Variants in TECRL observed in about 807,000 individuals in gnomAD.
TECRL encodes the protein trans-2,3-enoyl-CoA reductase-like.
Under a neutral mutation model 52.8 loss-of-function variants are expected in TECRL, and 63 were observed. The ratio of observed to expected loss-of-function variants is 1.19; its 90% CI spans 0.97 to 1.47. The LOEUF is 1.47. Among genes scored for constraint, TECRL ranks in the 40% most tolerant of loss-of-function variants. TECRL has a pLI of 0.00. For missense variants in TECRL, 482 were observed against 429.6 expected (o/e 1.12, Z -1.08); for synonymous variants, 164 against 141.9 (o/e 1.16, Z -1.10).
chr4:64,407,198 C>T (rs957662749), intron 1 of TECRL, among the ~76,000 whole-genome samples: 1 of 151,934 alleles, frequency 6.6e-6, no homozygotes, highest in Non-Finnish European at 1.5e-5. Context: ...GGATTATGAG[C>T]TATCCAGTGT....
intron 2 of TECRL, among the ~76,000 whole-genome samples, chr4:64,363,693 C>T (rs1721360838): frequency 6.6e-6 from 1 of 152,144 alleles, no homozygotes; most frequent in Non-Finnish European, 1.5e-5. Flanking sequence ...TAACCTAATG[C>T]TTGCTTGGAC....
chr4:64,359,606 T>G (rs1480686764), intron 2 of TECRL, among the ~76,000 whole-genome samples: 1 of 151,932 alleles, frequency 6.6e-6, no homozygotes, highest in Non-Finnish European at 1.5e-5. Flanking sequence ...CAGCAGTACA[T>G]AGTTTTAATG....
At chr4:64,337,367 A>G (rs1719177844) in intron 2 of TECRL, among the ~76,000 whole-genome samples, 1 of 152,194 alleles carries the variant, frequency 6.6e-6, no homozygotes, top group African/African-American at 2.4e-5. Context: ...AAACTGGCAC[A>G]AGACAGGAAT....
chr4:64,382,222 TATATATATATATAG>T (rs1160438040), intron 1 of TECRL, among the ~76,000 whole-genome samples: 10 of 2,966 alleles, frequency 3.4e-3, no homozygotes, highest in African/African-American at 3.9e-3. Flanking sequence ...TATATATATA[TATATATATATATAG>T]TATTATGTAT....
intron 1 of TECRL, among the ~76,000 whole-genome samples, chr4:64,396,114 A>G (rs1045882887): frequency 1.3e-5 from 2 of 150,600 alleles, no homozygotes; most frequent in Non-Finnish European, 3.0e-5. Context: ...TGCTATTGTG[A>G]ATACTGCTGT....
In TECRL at chr4:64,280,235, T is replaced by C. The variant is rs1297037380; in HGVS notation, c.965-36A>G. On this transcript the variant is annotated intron_variant, in intron 11 of 11. Transcript: ENST00000381210. ...AAAGAAATAATTATTATTTCTTTCT[T>C]ATTTCTATGAAATGTTATATTAGGA... is the stretch of plus-strand genomic sequence containing the variant. 2.3e-6 allele frequency: 3 copies of C among 1,286,550 alleles called. No individual in the cohort carries two copies. The South Asian group carries it at 4.7e-5, about 20-fold the overall frequency. 79.7% of individuals were successfully genotyped at this position (1,286,550 alleles called of 1,614,324 possible). A position where few individuals can be genotyped will look rare whatever the true frequency, so the allele number is the denominator to read the frequency against.
chr4:64,328,386 G>A (rs1248085351), intron 3 of TECRL, 126 bp downstream of exon 3: 8 of 691,692 alleles, frequency 1.2e-5, no homozygotes, highest in Non-Finnish European at 1.9e-5. Context: ...GCTCTAGTTT[G>A]TTGGGCGAAT....
At chr4:64,291,605 T>G (rs778471155) in intron 8 of TECRL, among the ~76,000 whole-genome samples, 116 of 152,102 alleles carry the variant, frequency 7.6e-4, no homozygotes, top group Non-Finnish European at 1.3e-3. Context: ...TTCATACTCA[T>G]TCAAACATCA....
rs753863474 is a variant in TECRL at position 64,322,736 on chromosome 4, C to A, written c.388G>T (p.Val130Phe). The change falls in exon 4 of 12, where the codon GTC becomes TTC. Residue 130 changes from valine (V) to phenylalanine (F), a missense_variant. By Grantham distance (50) the Val-to-Phe change is conservative. Coordinates refer to ENST00000381210, the MANE Select transcript of TECRL (RefSeq NM_001010874.5). ...TIQSIAASSI[V>F]TLYATDLGQQ... The stretch of plus-strand genomic sequence containing the variant: ...CCTAGGTCTGTAGCATACAGTGTGA[C>A]AATGGAGGAAGCTGCAATACTTTGA... 3 of 1,612,254 alleles carry A rather than the reference C, an allele frequency of 1.9e-6. No homozygotes were observed. Among genetic ancestry groups the A allele is most frequent in the South Asian group, 2.2e-5 (2 of 90,886 alleles).
intron 9 of TECRL, among the ~76,000 whole-genome samples, chr4:64,282,481 C>T (rs1245487134): frequency 6.6e-6 from 1 of 151,892 alleles, no homozygotes; most frequent in African/African-American, 2.4e-5. Context: ...TACAACTGTT[C>T]ATAAAAATAA....
chr4:64,293,904 A>T (rs1474611487), intron 8 of TECRL, among the ~76,000 whole-genome samples: 1 of 151,174 alleles, frequency 6.6e-6, no homozygotes, highest in Non-Finnish European at 1.5e-5. Context: ...TTTTAATGTA[A>T]CTGTTCTCAC....
chr4:64,398,223 A>G lies in TECRL; in HGVS notation c.234+10895T>C, dbSNP rs561266682. Among the ~76,000 whole-genome samples, 11 of 152,172 alleles carry G rather than the reference A, an allele frequency of 7.2e-5. No homozygotes were observed. The South Asian group carries it at 2.3e-3, about 32-fold the overall frequency. ...TTTCCTAGGGAAAATTTTCTTATGG[A>G]AGGTTGTATTTCTCAGGTGCGTCTA... On this transcript the variant is annotated intron_variant, in intron 1 of 11. Transcript: ENST00000381210.
chr4:64,375,397 C>G (rs1722327954), intron 1 of TECRL, among the ~76,000 whole-genome samples, 174 bp from the exon 2 acceptor site: 1 of 151,646 alleles, frequency 6.6e-6, no homozygotes, highest in Non-Finnish European at 1.5e-5. Flanking sequence ...CAATCAGTAA[C>G]AATATAATTT....
At chr4:64,318,290 T>A (rs552511655) in intron 4 of TECRL, among the ~76,000 whole-genome samples, 8 of 152,124 alleles carry the variant, frequency 5.3e-5, no homozygotes, top group African/African-American at 1.9e-4. Flanking sequence ...ACAAAAACTA[T>A]CTCTTATGTG....
At chr4:64,402,550 T>C (rs138120233) in intron 1 of TECRL, among the ~76,000 whole-genome samples, 1,822 of 151,906 alleles carry the variant, frequency 0.012, 45 homozygotes, top group African/African-American at 0.041. Flanking sequence ...CATAAAGGAG[T>C]TGTCATCTCT....
At chr4:64,395,636 A>G (rs1033133631) in intron 1 of TECRL, among the ~76,000 whole-genome samples, 1 of 152,198 alleles carries the variant, frequency 6.6e-6, no homozygotes, top group African/African-American at 2.4e-5. Flanking sequence ...ATACAAATAC[A>G]TTATATAAGA....
At chr4:64,301,937 A>G (rs1039342219) in intron 7 of TECRL, among the ~76,000 whole-genome samples, 1 of 151,332 alleles carries the variant, frequency 6.6e-6, no homozygotes, top group African/African-American at 2.4e-5. Flanking sequence ...TCATTATAAC[A>G]CTTATTAAAA....
intron 1 of TECRL, among the ~76,000 whole-genome samples, chr4:64,379,914 T>C (rs767256053): frequency 6.6e-5 from 10 of 152,098 alleles, no homozygotes; most frequent in Non-Finnish European, 1.5e-4. Flanking sequence ...ATTGGATAAA[T>C]ACCCAGGGTG....
chr4:64,321,065 T>G (rs762558329), intron 4 of TECRL, among the ~76,000 whole-genome samples: 1 of 152,126 alleles, frequency 6.6e-6, no homozygotes, highest in Non-Finnish European at 1.5e-5. Context: ...CATAGAACAT[T>G]GGCAGCTTCT....
Sources: allele counts gnomAD v4.1 joint callset (sites outside exome capture counted in the v4.1 genomes callset), GRCh38; gene constraint gnomAD v4.1.1; transcripts MANE v1.5; gene names NCBI Gene and HGNC (gene_info 2026-07-23, HGNC 2026-07-21).